Variants in RALYL observed in about 807,000 individuals in gnomAD.
RALYL encodes RALY RNA binding protein like, also known as RNA-binding Raly-like protein.
Under a neutral mutation model 35.1 loss-of-function variants are expected in RALYL, and 29 were observed. That is an observed-to-expected ratio of 0.83 (90% CI 0.61 to 1.13). RALYL has a LOEUF of 1.13. Among genes scored for constraint, RALYL ranks in the 50% most tolerant of loss-of-function variants. The probability of loss-of-function intolerance (pLI) is 0.00; values close to 1 mark genes in which losing one functional copy is unlikely to be tolerated. For missense variants in RALYL, 359 were observed against 360.4 expected (o/e 1.00, Z 0.03); for synonymous variants, 120 against 127.6 (o/e 0.94, Z 0.40).
intron 2 of RALYL, among the ~76,000 whole-genome samples, chr8:84,677,100 T>C (rs1834369855): frequency 6.6e-6 from 1 of 152,154 alleles, no homozygotes; most frequent in Non-Finnish European, 1.5e-5. Context: ...CTGCCCGTAA[T>C]GCACTCTTGT....
chr8:84,670,122 A>G (rs540768119), intron 2 of RALYL, among the ~76,000 whole-genome samples: 1 of 151,160 alleles, frequency 6.6e-6, no homozygotes, highest in African/African-American at 2.4e-5. Flanking sequence ...TTCCTGCTGA[A>G]AAAAAAAAAC....
intron 4 of RALYL, among the ~76,000 whole-genome samples, chr8:84,811,254 A>T (rs1346163294): frequency 6.6e-6 from 1 of 152,096 alleles, no homozygotes; most frequent in African/African-American, 2.4e-5. Flanking sequence ...GAAAGATGGT[A>T]TGTTTCCTTT....
chr8:84,625,240 A>C (rs1435886818), intron 2 of RALYL, among the ~76,000 whole-genome samples: 2 of 152,144 alleles, frequency 1.3e-5, no homozygotes, highest in East Asian at 3.9e-4. Flanking sequence ...GCTAATTGGG[A>C]TGATGGGCAC....
chr8:84,549,730 C>CT (rs2060593977), intron 2 of RALYL, among the ~76,000 whole-genome samples: 1 of 152,152 alleles, frequency 6.6e-6, no homozygotes, highest in South Asian at 2.1e-4. Flanking sequence ...ACTGCAGTGC[C>CT]CTGGCTGTGT....
chr8:84,468,124 G>C (rs2052017257), intron 1 of RALYL, among the ~76,000 whole-genome samples: 1 of 151,708 alleles, frequency 6.6e-6, no homozygotes, highest in East Asian at 1.9e-4. Flanking sequence ...CTTTTAATTG[G>C]AGAATTTAGT....
At chr8:84,513,406 C>T (rs1217910908) in intron 1 of RALYL, among the ~76,000 whole-genome samples, 1 of 151,728 alleles carries the variant, frequency 6.6e-6, no homozygotes, top group Admixed American at 6.6e-5. Context: ...GGTTAAGATT[C>T]TTGTTCTTAT....
At chr8:84,734,210 G>T (rs926430236) in intron 2 of RALYL, among the ~76,000 whole-genome samples, 47 of 152,048 alleles carry the variant, frequency 3.1e-4, no homozygotes, top group Admixed American at 1.3e-4. Flanking sequence ...TATTCCTGTT[G>T]TGCATATCAC....
At position 84,410,086 on chromosome 8, in the gene RALYL, C is replaced by T. The variant is rs1484702615; in HGVS notation, c.-23-119213C>T. On this transcript the variant is annotated intron_variant, in intron 1 of 8. Coordinates refer to ENST00000521268, the MANE Select transcript of RALYL (RefSeq NM_173848.7). ...AAACATTATTTTCTCTTGAAATTCT[C>T]ACAGTATTCTTTTAGTGCTTACATG... Among the ~76,000 whole-genome samples, 3 of 151,892 alleles carry T rather than the reference C, an allele frequency of 2.0e-5. No homozygotes were observed. In the East Asian group the frequency reaches 5.8e-4, roughly 29 times the overall value.
At chr8:84,390,700 A>AT (rs1442776794) in intron 1 of RALYL, among the ~76,000 whole-genome samples, 1 of 151,836 alleles carries the variant, frequency 6.6e-6, no homozygotes, top group East Asian at 1.9e-4. Flanking sequence ...CCCCTTTATC[A>AT]TTTTTTACTG....
rs947356707 is a variant in RALYL at position 84,482,364 on chromosome 8, T to C, written c.-23-46935T>C. On this transcript the variant is annotated intron_variant, in intron 1 of 8. Coordinates refer to ENST00000521268, the MANE Select transcript of RALYL (RefSeq NM_173848.7). ...TGCTGATCTGGTTATAGTGAATATTTAGCACAACCAATTTTATTTTGTTTA... is the reference window on the plus strand; with the variant it reads ...TGCTGATCTGGTTATAGTGAATATTCAGCACAACCAATTTTATTTTGTTTA... Among the ~76,000 whole-genome samples, 44 of 152,252 alleles carry C rather than the reference T, an allele frequency of 2.9e-4. 2 individuals carry two copies. Among genetic ancestry groups the C allele is most frequent in the Admixed American group, 2.6e-3 (40 of 15,280 alleles).
chr8:84,669,398 G>A (rs1240788886), intron 2 of RALYL, among the ~76,000 whole-genome samples: 1 of 150,978 alleles, frequency 6.6e-6, no homozygotes, highest in Non-Finnish European at 1.5e-5. Context: ...GGGTACCCGT[G>A]CAGGTTTGTT....
intron 1 of RALYL, among the ~76,000 whole-genome samples, chr8:84,223,130 T>TTCCTTTCCTTTCCTA (rs1822753353): frequency 2.7e-5 from 4 of 146,272 alleles, no homozygotes; most frequent in African/African-American, 1.0e-4. Context: ...TTCCTTTCCT[T>TTCCTTTCCTTTCCTA]TCCTTTCCTT....
At chr8:84,382,845 T>C (rs1050944336) in intron 1 of RALYL, among the ~76,000 whole-genome samples, 25 of 151,708 alleles carry the variant, frequency 1.6e-4, no homozygotes, top group Middle Eastern at 3.2e-3. Context: ...TGAGCTTCTT[T>C]CGTAATAAAG....
At chr8:84,426,894 T>C (rs773930691) in intron 1 of RALYL, among the ~76,000 whole-genome samples, 1 of 152,138 alleles carries the variant, frequency 6.6e-6, no homozygotes, top group Non-Finnish European at 1.5e-5. Context: ...GAGAACAGTA[T>C]GGAGGTTTCT....
intron 4 of RALYL, among the ~76,000 whole-genome samples, chr8:84,817,531 T>TTTATTATTATTATTA (rs59809592): frequency 3.4e-5 from 5 of 147,450 alleles, no homozygotes; most frequent in African/African-American, 1.3e-4. Flanking sequence ...TAACTAATCT[T>TTTATTATTATTATTA]TTATTATTAT....
At chr8:84,452,621 C>G (rs1227174187) in intron 1 of RALYL, among the ~76,000 whole-genome samples, 1 of 151,878 alleles carries the variant, frequency 6.6e-6, no homozygotes, top group Non-Finnish European at 1.5e-5. Context: ...GCTATAATGC[C>G]TGTGTTTCCC....
intron 4 of RALYL, among the ~76,000 whole-genome samples, chr8:84,829,693 G>T (rs767541449): frequency 6.6e-6 from 1 of 152,084 alleles, no homozygotes; most frequent in African/African-American, 2.4e-5. Flanking sequence ...GGTGACTCTT[G>T]TTATTTGTGG....
chr8:84,512,356 G>A (rs892396161), intron 1 of RALYL, among the ~76,000 whole-genome samples: 5 of 151,530 alleles, frequency 3.3e-5, no homozygotes, highest in African/African-American at 9.7e-5. Context: ...GTTTTCTTTT[G>A]ATAAATGTCT....
chr8:84,509,994 T>A (rs1401255494), intron 1 of RALYL, among the ~76,000 whole-genome samples: 1 of 152,220 alleles, frequency 6.6e-6, no homozygotes, highest in East Asian at 1.9e-4. Flanking sequence ...TTCTGGGAAC[T>A]TAGCCTCTCC....
Sources: allele counts gnomAD v4.1 joint callset (sites outside exome capture counted in the v4.1 genomes callset), GRCh38; gene constraint gnomAD v4.1.1; transcripts MANE v1.5; gene names NCBI Gene and HGNC (gene_info 2026-07-23, HGNC 2026-07-21).